Variants in HDAC6 observed in about 807,000 individuals in gnomAD.
The protein encoded by HDAC6 is histone deacetylase 6.
A neutral mutation model predicts 88.9 loss-of-function variants in HDAC6; 5 were observed. The observed-to-expected ratio is 0.06, with a 90% confidence interval of 0.03 to 0.12. The LOEUF (loss-of-function observed/expected upper bound fraction) is 0.12. Ranked by LOEUF, HDAC6 falls within the 10% of genes least tolerant of loss-of-function variation. HDAC6 has a pLI of 1.00. For missense variants in HDAC6, 706 were observed against 1,014.4 expected, an observed-to-expected ratio of 0.70 and a Z score of 4.13; for synonymous variants, 378 against 398.0, an observed-to-expected ratio of 0.95 and a Z score of 0.60.
intron 10 of HDAC6, among the ~76,000 whole-genome samples, chrX:48,811,601 G>A (rs1252513521): frequency 2.7e-5 from 3 of 111,740 alleles, no homozygotes; most frequent in African/African-American, 9.8e-5. Context: ...GCAAGGACCC[G>A]GGCATTAGAT....
chrX:48,817,477 A>T lies in HDAC6; in HGVS notation c.1925+18A>T, dbSNP rs1279252264. On this transcript the variant is annotated intron_variant, in intron 20 of 28. Coordinates refer to ENST00000334136, the MANE Select transcript of HDAC6 (RefSeq NM_006044.4). ...GCCCTACGGTAAGGACTCCCTGGGG[A>T]CCCCCCAAATCCTGATCCTTGTGGG... 2.5e-6 allele frequency: 3 copies of T among 1,197,803 alleles called. No homozygotes were observed.
rs1557024422 is a variant in HDAC6 at position 48,806,601 on chromosome X, C to T, written c.535-8C>T. 1 of 1,180,781 alleles carries T rather than the reference C, an allele frequency of 8.5e-7. No homozygotes were observed. The highest frequency in any genetic ancestry group is 1.2e-6 in the Non-Finnish European group (1 of 868,018). On this transcript the variant is annotated splice_polypyrimidine_tract_variant and splice_region_variant and intron_variant, in intron 7 of 28. Coordinates refer to ENST00000334136, the MANE Select transcript of HDAC6 (RefSeq NM_006044.4). ...TACTCCCTTTCTGGCTCCCCACTGTCTCTCCAGAACTCATACTCCTGTGCC... is the reference window on the plus strand; with the variant it reads ...TACTCCCTTTCTGGCTCCCCACTGTTTCTCCAGAACTCATACTCCTGTGCC...
chrX:48,824,103 G>A, intron 27 of HDAC6, 35 bp downstream of exon 27: 1 of 1,205,618 alleles, frequency 8.3e-7, no homozygotes, highest in Non-Finnish European at 1.1e-6. Context: ...GGCGGAGGTT[G>A]GCCCGGGAGC....
intron 4 of HDAC6, among the ~76,000 whole-genome samples, chrX:48,803,615 G>A (rs782248305): frequency 5.7e-4 from 64 of 111,955 alleles, no homozygotes; most frequent in South Asian, 1.1e-3. Context: ...AGGAAGAGAC[G>A]TTTGTACTGA....
intron 10 of HDAC6, among the ~76,000 whole-genome samples, chrX:48,811,583 G>A (rs1431638324): frequency 3.6e-5 from 4 of 111,949 alleles, no homozygotes; most frequent in Non-Finnish European, 5.6e-5. Flanking sequence ...CAACTTTAGC[G>A]AGTGTGGGCA....
intron 4 of HDAC6, among the ~76,000 whole-genome samples, chrX:48,803,674 G>T (rs1047446007): frequency 1.8e-5 from 2 of 111,906 alleles, no homozygotes; most frequent in African/African-American, 6.5e-5. Context: ...AAAAGAATCA[G>T]CAAATCCTTT....
At chrX:48,817,251 C>CA (rs1302262373) in intron 19 of HDAC6, 75 bp from the exon 20 acceptor site, 71,628 of 762,940 alleles carry the variant, frequency 0.094, 5 homozygotes, top group Non-Finnish European at 0.099. Flanking sequence ...GACTCCGTCT[C>CA]AAAAAAAAAA....
chrX:48,821,009 T>C (rs2063072418), intron 23 of HDAC6, among the ~76,000 whole-genome samples: 1 of 109,295 alleles, frequency 9.1e-6, no homozygotes, highest in Non-Finnish European at 1.9e-5. Flanking sequence ...AGCTAATTTT[T>C]GTATTTTTAG....
At chrX:48,816,086 G>C in intron 17 of HDAC6, 34 bp downstream of exon 17, 4 of 1,209,558 alleles carry the variant, frequency 3.3e-6, no homozygotes, top group Non-Finnish European at 4.5e-6. Flanking sequence ...AGTAGGTGTT[G>C]GGGGTCCCTC....
upstream of HDAC6, chrX:48,801,667 C>A (rs967116566): frequency 4.8e-5 from 13 of 273,275 alleles, no homozygotes; most frequent in African/African-American, 3.5e-4. Context: ...CGCACCGCCC[C>A]GTCGCCTGTG....
chrX:48,805,397 A>G, intron 4 of HDAC6, 41 bp from the exon 5 acceptor site: 1 of 1,011,353 alleles, frequency 9.9e-7, no homozygotes, highest in Non-Finnish European at 1.4e-6. Context: ...GGAGCTCCCC[A>G]GTGTCCTCAT....
Position 48,823,804 on chromosome X carries a change from T to C in HDAC6, c.3303+19T>C, listed in dbSNP as rs782494263. 3 of 1,192,103 alleles carry C rather than the reference T, an allele frequency of 2.5e-6. No individual in the cohort carries two copies. The highest frequency in any genetic ancestry group is 3.5e-5 in the African/African-American group (2 of 57,359). ...TGATCAGGTGAGCTCAGGGAGAGGCTGGGACTGTGGCTTCCTTCTCTTGCC... is the reference window on the plus strand; with the variant it reads ...TGATCAGGTGAGCTCAGGGAGAGGCCGGGACTGTGGCTTCCTTCTCTTGCC... On this transcript the variant is annotated intron_variant, in intron 26 of 28. Coordinates refer to ENST00000334136, the MANE Select transcript of HDAC6 (RefSeq NM_006044.4).
In HDAC6 at chrX:48,820,095, C is replaced by G; in HGVS notation, c.2188-11C>G. The G allele has an allele frequency of 8.3e-7, 1 of 1,210,166 alleles. No homozygotes were observed. The highest frequency in any genetic ancestry group is 1.1e-6 in the Non-Finnish European group (1 of 894,669). ...CCTCATGCTTATACATCTCTTCTCTCCCTGCCTCAGTTTAACCCAGAACTG... is the reference window on the plus strand; with the variant it reads ...CCTCATGCTTATACATCTCTTCTCTGCCTGCCTCAGTTTAACCCAGAACTG... On this transcript the variant is annotated splice_polypyrimidine_tract_variant and intron_variant, in intron 22 of 28. Transcript: ENST00000334136.
chrX:48,823,822 C>T (rs782683092), intron 26 of HDAC6, 37 bp downstream of exon 26: 12 of 1,194,028 alleles, frequency 1.0e-5, no homozygotes, highest in Middle Eastern at 4.6e-4. Flanking sequence ...TGGCTTCCTT[C>T]TCTTGCCAAT....
chrX:48,814,624 C>T (rs782638509), intron 11 of HDAC6, 51 bp from the exon 12 acceptor site: 9 of 1,202,263 alleles, frequency 7.5e-6, no homozygotes, highest in African/African-American at 1.7e-5. Flanking sequence ...CTTCTGTCAG[C>T]GGCTCGGGAC....
chrX:48,822,815 TGGG>T lies in HDAC6; in HGVS notation c.2512+25_2512+27del, dbSNP rs781932316. 1.7e-3 allele frequency: 1,952 copies of T among 1,174,217 alleles called. 7 individuals are homozygous for T. Among genetic ancestry groups the T allele is most frequent in the Admixed American group, 2.8e-3 (118 of 41,609 alleles). On this transcript the variant is annotated intron_variant, in intron 24 of 28. Transcript: ENST00000334136. ...CATGAGTGAGTGGATTTGGGGGTGA[TGGG>T]GGGAACCCAGGGAAGGAGGGGGCTG... is the stretch of plus-strand genomic sequence containing the variant.
At chrX:48,806,183 G>T in intron 6 of HDAC6, 185 bp from the exon 7 acceptor site, 1 of 423,453 alleles carries the variant, frequency 2.4e-6, no homozygotes, top group Non-Finnish European at 4.2e-6. Flanking sequence ...TACTGCAGGG[G>T]AGCAGAGAAC....
intron 4 of HDAC6, 73 bp downstream of exon 4, chrX:48,803,289 A>G: frequency 4.9e-6 from 4 of 816,057 alleles, no homozygotes; most frequent in Non-Finnish European, 7.2e-6. Context: ...GCAAGAATAA[A>G]TCTTTTCTTA....
intron 19 of HDAC6, 45 bp downstream of exon 19, chrX:48,816,678 GAA>G: frequency 1.0e-6 from 1 of 999,633 alleles, no homozygotes; most frequent in South Asian, 2.1e-5. Flanking sequence ...GGGGGGAATG[GAA>G]AAAGAGAGCC....
Sources: allele counts gnomAD v4.1 joint callset (sites outside exome capture counted in the v4.1 genomes callset), GRCh38; gene constraint gnomAD v4.1.1; transcripts MANE v1.5; gene names NCBI Gene and HGNC (gene_info 2026-07-23, HGNC 2026-07-21).